The following HSD17B13 variants were observed in gnomAD, a reference collection of about 807,000 sequenced individuals.
The protein encoded by HSD17B13 is hydroxysteroid 17-beta dehydrogenase 13, also known as 17-beta-hydroxysteroid dehydrogenase 13.
A neutral mutation model predicts 31.1 loss-of-function variants in HSD17B13; 26 were observed. The observed-to-expected ratio is 0.84, with a 90% confidence interval of 0.61 to 1.16. The LOEUF is 1.16. HSD17B13 is among the 50% of genes most tolerant of loss of function. The pLI, the probability that HSD17B13 is intolerant of heterozygous loss-of-function variation, is 0.00. For missense variants in HSD17B13, 374 were observed against 366.5 expected (o/e 1.02, Z -0.17); for synonymous variants, 141 against 133.7 (o/e 1.05, Z -0.38).
chr4:87,304,344 C>T lies in HSD17B13; in HGVS notation c.*874G>A, dbSNP rs534239327. The T allele has an allele frequency of 6.4e-6, 1 of 155,798 alleles. No individual in the cohort carries two copies. Among genetic ancestry groups the T allele is most frequent in the African/African-American group, 2.4e-5 (1 of 41,428 alleles). The allele number at this position is 155,798 out of a possible 1,614,324, so 9.7% of individuals were successfully genotyped here. On this transcript the variant is annotated 3_prime_UTR_variant, in exon 7 of 7. Transcript: ENST00000328546. The stretch of plus-strand genomic sequence containing the variant: ...AAAACAAAACAAAACAAAACAAAAA[C>T]CAAAAAACCTTTCTTTCTTCCTTTT...
chr4:87,306,358 C>T (rs183064396), intron 6 of HSD17B13, among the ~76,000 whole-genome samples: 1,536 of 152,240 alleles, frequency 0.01, 11 homozygotes, highest in Middle Eastern at 0.017. Context: ...TTCACCTCTC[C>T]TTTACTATTT....
At chr4:87,308,862 A>G (rs1734454181) in intron 6 of HSD17B13, among the ~76,000 whole-genome samples, 1 of 151,128 alleles carries the variant, frequency 6.6e-6, no homozygotes, top group African/African-American at 2.4e-5. Flanking sequence ...ATAGCCATGT[A>G]GCTATTAAAG....
chr4:87,315,028 A>C (rs1274544625), intron 4 of HSD17B13, among the ~76,000 whole-genome samples: 1 of 152,216 alleles, frequency 6.6e-6, no homozygotes, highest in Non-Finnish European at 1.5e-5. Context: ...ATCTTGAGGC[A>C]GGAGAACAGG....
intron 4 of HSD17B13, among the ~76,000 whole-genome samples, chr4:87,315,010 G>A (rs1734618976): frequency 6.6e-6 from 1 of 152,176 alleles, no homozygotes; most frequent in Non-Finnish European, 1.5e-5. Context: ...TCTGCTCTCA[G>A]CATTGTAATC....
intron 6 of HSD17B13, among the ~76,000 whole-genome samples, chr4:87,306,960 G>C (rs1171792348): frequency 7.2e-6 from 1 of 139,084 alleles, no homozygotes; most frequent in African/African-American, 2.8e-5. Context: ...AATGTAAAGA[G>C]GCAGAAATAA....
chr4:87,317,188 C>G lies in HSD17B13; in HGVS notation c.354G>C (p.Val118=). 1 of 1,614,052 alleles carries G rather than the reference C, an allele frequency of 6.2e-7. No individual in the cohort carries two copies. Among genetic ancestry groups the G allele is most frequent in the Non-Finnish European group, 8.5e-7 (1 of 1,179,904 alleles). The change falls in exon 3 of 7, where the codon GTG becomes GTC. Residue 118 remains valine (V), a synonymous_variant. Coordinates refer to ENST00000328546, the MANE Select transcript of HSD17B13 (RefSeq NM_178135.5). ...CTGGATATACTGTCCCAGCATTATT[C>G]ACCACGATTGTTACATCACCCACTT... ...KKEVGDVTIV[V]NNAGTVYPAD... is the part of the protein sequence containing the mutation.
At chr4:87,307,796 C>T (rs1349597396) in intron 6 of HSD17B13, among the ~76,000 whole-genome samples, 4 of 152,104 alleles carry the variant, frequency 2.6e-5, no homozygotes, top group Admixed American at 6.6e-5. Context: ...ACACCACACC[C>T]GGCCTAGTCA....
At chr4:87,306,101 C>T (rs1350997731) in intron 6 of HSD17B13, among the ~76,000 whole-genome samples, 2 of 152,172 alleles carry the variant, frequency 1.3e-5, no homozygotes, top group African/African-American at 4.8e-5. Flanking sequence ...AGGTTGCTTA[C>T]GACAGGTCAT....
chr4:87,319,366 G>A (rs1734729248), intron 1 of HSD17B13, among the ~76,000 whole-genome samples: 1 of 152,164 alleles, frequency 6.6e-6, no homozygotes, highest in South Asian at 2.1e-4. Context: ...AGGCTGTACA[G>A]TAGGCAGTTT....
Position 87,313,902 on chromosome 4 carries a change from A to G in HSD17B13, c.616T>C (p.Leu206=). 1.9e-6 allele frequency: 3 copies of G among 1,609,760 alleles called. No homozygotes were observed. The highest frequency in any genetic ancestry group is 1.7e-5 in the Admixed American group (1 of 59,244). ...GAGGTTTTGATACCAGTTTTTCCCA[A>G]GGCCTGAAGTTCTGATGTCAGACCT... is the stretch of plus-strand genomic sequence containing the variant. ...HRGLTSELQA[L]GKTGIKTSCL... is the part of the protein sequence containing the mutation. The change falls in exon 5 of 7, where the codon TTG becomes CTG. Residue 206 remains leucine (L), a synonymous_variant. Transcript: ENST00000328546.
chr4:87,313,059 C>CAA (rs112115342), intron 5 of HSD17B13, among the ~76,000 whole-genome samples: 11 of 146,990 alleles, frequency 7.5e-5, no homozygotes, highest in African/African-American at 2.5e-4. Context: ...GACTCTGTCT[C>CAA]AAAAAAAACA....
intron 6 of HSD17B13, among the ~76,000 whole-genome samples, chr4:87,308,485 TAAAAAAAAA>T (rs893354684): frequency 6.0e-4 from 20 of 33,216 alleles, no homozygotes; most frequent in African/African-American, 1.2e-3. Flanking sequence ...CCGTCTCTAC[TAAAAAAAAA>T]AAAAAAAAAA....
intron 4 of HSD17B13, 79 bp downstream of exon 4, chr4:87,315,414 C>G (rs1734629261): frequency 2.7e-6 from 2 of 743,056 alleles, no homozygotes; most frequent in Non-Finnish European, 4.3e-6. Flanking sequence ...AACCAGGACT[C>G]TCCAGTGGTA....
At chr4:87,308,777 G>T (rs1354566132) in intron 6 of HSD17B13, among the ~76,000 whole-genome samples, 1 of 151,118 alleles carries the variant, frequency 6.6e-6, no homozygotes, top group African/African-American at 2.4e-5. Flanking sequence ...TTATGCCAAA[G>T]AAATTCTACA....
intron 3 of HSD17B13, 111 bp from the exon 4 acceptor site, chr4:87,315,710 T>C (rs930847761): frequency 2.2e-5 from 12 of 553,508 alleles, no homozygotes; most frequent in Non-Finnish European, 3.9e-5. Flanking sequence ...ACTTATACAA[T>C]GAAATAAAAT....
chr4:87,314,900 T>A (rs1397661177), intron 4 of HSD17B13, among the ~76,000 whole-genome samples: 1 of 152,352 alleles, frequency 6.6e-6, no homozygotes, highest in African/African-American at 2.4e-5. Context: ...TCTAAAAATA[T>A]CTTAAATATA....
chr4:87,315,625 A>G, intron 3 of HSD17B13, 26 bp from the exon 4 acceptor site: 1 of 1,446,062 alleles, frequency 6.9e-7, no homozygotes, highest in Non-Finnish European at 9.6e-7. Context: ...AGAAAGAAGA[A>G]AGACAATGAC....
chr4:87,322,659 G>T lies in HSD17B13; in HGVS notation c.183C>A (p.Ser61Arg), dbSNP rs773955891. 1.9e-6 allele frequency: 3 copies of T among 1,613,586 alleles called. No individual in the cohort carries two copies. Among genetic ancestry groups the T allele is most frequent in the South Asian group, 1.1e-5 (1 of 91,068 alleles). Reference protein sequence around the residue: ...QTTYEFAKRQSILVLWDINKR... With the variant: ...QTTYEFAKRQRILVLWDINKR... ...TATTAATATCCCACAGAACCAATAT[G>T]CTCTGTCGTTTTGCAAATTCATAAG... Residue 61 changes from serine (S) to arginine (R), a missense_variant, in exon 1 of 7, where the codon AGC (serine) becomes AGA (arginine). Ser to Arg is a moderately radical substitution (Grantham distance 110, BLOSUM62 -1). Coordinates refer to ENST00000328546, the MANE Select transcript of HSD17B13 (RefSeq NM_178135.5).
chr4:87,309,859 CATA>C (rs1260729229), intron 6 of HSD17B13, among the ~76,000 whole-genome samples: 1 of 152,018 alleles, frequency 6.6e-6, no homozygotes, highest in Non-Finnish European at 1.5e-5. Context: ...AAAGATGCTC[CATA>C]ATAATAGCTC....
Sources: gnomAD v4.1 joint callset for allele counts (sites outside exome capture counted in the v4.1 genomes callset) on GRCh38, gnomAD v4.1.1 for gene constraint, MANE v1.5 for transcripts, NCBI Gene and HGNC (gene_info 2026-07-23, HGNC 2026-07-21) for gene names.